Variants in FBN2 observed in about 807,000 individuals in gnomAD.
The protein encoded by FBN2 is fibrillin 2, also known as fibrillin-2.
A neutral mutation model predicts 355.6 loss-of-function variants in FBN2; 105 were observed. The observed-to-expected ratio is 0.30, with a 90% confidence interval of 0.25 to 0.35. FBN2 has a LOEUF of 0.35. Ranked by LOEUF, FBN2 falls within the 10% of genes least tolerant of loss-of-function variation. FBN2 has a pLI of 1.00. For synonymous variants in FBN2, 1,350 were observed against 1,301.2 expected (o/e 1.04, Z -0.81); for missense variants, 3,280 against 3,758.7 (o/e 0.87, Z 3.33).
chr5:128,531,555 T>C (rs145797614), intron 2 of FBN2, among the ~76,000 whole-genome samples: 32 of 151,950 alleles, frequency 2.1e-4, no homozygotes, highest in African/African-American at 7.5e-4. Context: ...CAATAACTTA[T>C]GGAAAAATAG....
chr5:128,466,528 G>A (rs1039154968), intron 5 of FBN2, among the ~76,000 whole-genome samples: 1 of 152,100 alleles, frequency 6.6e-6, no homozygotes. Context: ...TATCATATAC[G>A]TGCTGCAGTA....
At chr5:128,496,223 T>A (rs868630134) in intron 5 of FBN2, among the ~76,000 whole-genome samples, 2 of 151,938 alleles carry the variant, frequency 1.3e-5, no homozygotes, top group South Asian at 4.2e-4. Flanking sequence ...CATACAAAGA[T>A]ATCAAAAGAA....
intron 25 of FBN2, among the ~76,000 whole-genome samples, chr5:128,339,701 C>T (rs1204290160): frequency 6.6e-6 from 1 of 152,164 alleles, no homozygotes; most frequent in Non-Finnish European, 1.5e-5. Flanking sequence ...TGGAATGAAA[C>T]CTCATGTGTG....
At chr5:128,443,570 C>T (rs558353591) in intron 7 of FBN2, among the ~76,000 whole-genome samples, 10 of 152,094 alleles carry the variant, frequency 6.6e-5, no homozygotes, top group Non-Finnish European at 1.3e-4. Context: ...TAATGTTTAA[C>T]GATTAATAAG....
rs1357709072 is a variant in FBN2, at chr5:128,537,549, C to T, written c.55G>A (p.Val19Met). ...GCCGTGCCCTGCGCCCAGAGCACCA[C>T]ACAGCCCAGCCACAGGAAGTAGAGC... ...LQLYFLWLGC[V>M]VLWAQGTAGQ... Residue 19 changes from valine to methionine, a missense_variant, in exon 1 of 65, where the codon GTG (valine) becomes ATG (methionine). By Grantham distance (21) the Val-to-Met change is conservative. Around this residue, in one of 6 missense-constraint regions of FBN2, gnomAD observed 203 missense variants for 142.2 expected, o/e 1.43. Transcript: ENST00000262464. 6.3e-7 allele frequency: 1 copy of T among 1,599,532 alleles called. No homozygotes were observed. Among genetic ancestry groups the T allele is most frequent in the Non-Finnish European group, 8.5e-7 (1 of 1,175,232 alleles).
chr5:128,480,736 T>G (rs544999197), intron 5 of FBN2, among the ~76,000 whole-genome samples: 2 of 152,088 alleles, frequency 1.3e-5, no homozygotes, highest in Non-Finnish European at 2.9e-5. Context: ...AATAAATAAA[T>G]AAAGAAATAA....
intron 5 of FBN2, among the ~76,000 whole-genome samples, chr5:128,487,791 ACTT>A (rs1286774668): frequency 6.6e-6 from 1 of 152,194 alleles, no homozygotes; most frequent in Non-Finnish European, 1.5e-5. Flanking sequence ...CAGCACAATA[ACTT>A]CTTATAACAA....
intron 25 of FBN2, among the ~76,000 whole-genome samples, chr5:128,339,675 G>A (rs1420838254): frequency 6.6e-6 from 1 of 152,192 alleles, no homozygotes; most frequent in Non-Finnish European, 1.5e-5. Flanking sequence ...TGGTAAATGA[G>A]GCAGCCAGGC....
At chr5:128,490,236 G>C (rs2127124518) in intron 5 of FBN2, among the ~76,000 whole-genome samples, 1 of 152,214 alleles carries the variant, frequency 6.6e-6, no homozygotes, top group East Asian at 1.9e-4. Context: ...CCCAGATCAA[G>C]TATTAAAAAG....
intron 55 of FBN2, among the ~76,000 whole-genome samples, chr5:128,284,393 G>T (rs562769771): frequency 6.6e-6 from 1 of 152,206 alleles, no homozygotes; most frequent in South Asian, 2.1e-4. Context: ...TCACTCTGCC[G>T]TAACACTTTT....
chr5:128,322,674 T>C lies in FBN2; in HGVS notation c.4472-3673A>G, dbSNP rs74476621. Among the ~76,000 whole-genome samples, 21 of 152,348 alleles carry C rather than the reference T, an allele frequency of 1.4e-4. No individual in the cohort carries two copies. In the East Asian group the frequency reaches 3.3e-3, roughly 24 times the overall value. ...TGTTTTGGTACCAGTACCATGCTGTTATGGTTACTGTGGCCTTGTAGGATA... is the reference window on the plus strand; with the variant it reads ...TGTTTTGGTACCAGTACCATGCTGTCATGGTTACTGTGGCCTTGTAGGATA... On this transcript the variant is annotated intron_variant, in intron 34 of 64. Coordinates refer to ENST00000262464, the MANE Select transcript of FBN2 (RefSeq NM_001999.4).
At position 128,290,515 on chromosome 5, in the gene FBN2, A is replaced by C. The variant is rs150233978; in HGVS notation, c.6445+217T>G. On this transcript the variant is annotated intron_variant, in intron 50 of 64. Transcript: ENST00000262464. ...GTAATACTAACCTTGGAGGTGGGGAATGAAATAAAAGGGTAACTCCACCTG... is the reference window on the plus strand; with the variant it reads ...GTAATACTAACCTTGGAGGTGGGGACTGAAATAAAAGGGTAACTCCACCTG... Among the ~76,000 whole-genome samples the C allele has an allele frequency of 2.6e-5, 4 of 152,330 alleles. No homozygotes were observed. The East Asian group carries it at 7.7e-4, about 29-fold the overall frequency.
chr5:128,534,451 T>C (rs987905142), intron 2 of FBN2, among the ~76,000 whole-genome samples: 1 of 152,238 alleles, frequency 6.6e-6, no homozygotes, highest in Non-Finnish European at 1.5e-5. Context: ...TGTCCCTATT[T>C]TGTGCACTGT....
intron 62 of FBN2, among the ~76,000 whole-genome samples, chr5:128,265,444 A>G (rs1428634): frequency 0.069 from 10,572 of 152,270 alleles, 1,226 homozygotes; most frequent in African/African-American, 0.24. Flanking sequence ...ATAAATGTAT[A>G]TCATGATTAA....
intron 6 of FBN2, among the ~76,000 whole-genome samples, chr5:128,450,505 C>G (rs1754208653): frequency 6.6e-6 from 1 of 152,016 alleles, no homozygotes; most frequent in Non-Finnish European, 1.5e-5. Context: ...AATGAAGATA[C>G]ACCATATCAA....
In FBN2 at chr5:128,310,003, T is replaced by C. The variant is rs767476241; in HGVS notation, c.5180A>G (p.Asn1727Ser). 4.3e-6 allele frequency: 7 copies of C among 1,613,960 alleles called. No individual in the cohort carries two copies. The highest frequency in any genetic ancestry group is 2.2e-5 in the East Asian group (1 of 44,868). ...CCTACCCATGCAGTTGTGGCCTCCATTGACCTGCATGTACTCAGGTGGGCA... is the reference window on the plus strand; with the variant it reads ...CCTACCCATGCAGTTGTGGCCTCCACTGACCTGCATGTACTCAGGTGGGCA... ...CICPPEYMQVNGGHNCMDMRK... is the reference protein window; with the variant it reads ...CICPPEYMQVSGGHNCMDMRK... The change falls in exon 40 of 65, where the codon AAT (asparagine) becomes AGT (serine). Residue 1727 changes from asparagine (N) to serine (S), a missense_variant. Asn to Ser is a conservative substitution (Grantham distance 46). This residue lies in a region of FBN2 where 2,284 missense variants were observed against 2,749.5 expected (regional missense o/e 0.83). Transcript: ENST00000262464.
chr5:128,283,282 A>G (rs1046939401), intron 55 of FBN2, among the ~76,000 whole-genome samples: 5 of 152,218 alleles, frequency 3.3e-5, no homozygotes, highest in African/African-American at 1.2e-4. Flanking sequence ...TGCCACATGT[A>G]TTGATTCACT....
intron 20 of FBN2, among the ~76,000 whole-genome samples, chr5:128,352,103 A>C (rs1405974233): frequency 1.3e-5 from 2 of 152,212 alleles, no homozygotes; most frequent in African/African-American, 4.8e-5. Flanking sequence ...GAATAATTTA[A>C]AAGAAAAAGC....
At chr5:128,372,863 G>A (rs1384005857) in intron 15 of FBN2, among the ~76,000 whole-genome samples, 1 of 152,112 alleles carries the variant, frequency 6.6e-6, no homozygotes, top group Non-Finnish European at 1.5e-5. Context: ...CTGGGCTCCA[G>A]TGATCCGCCC....
Sources: gnomAD v4.1 joint callset for allele counts (sites outside exome capture counted in the v4.1 genomes callset) on GRCh38, gnomAD v4.1.1 for gene constraint, gnomAD v4.1.1 regional missense constraint, MANE v1.5 for transcripts, NCBI Gene and HGNC (gene_info 2026-07-23, HGNC 2026-07-21) for gene names.